ACTR3C: variants seen among roughly 807,000 people sequenced by gnomAD.
The protein encoded by ACTR3C is actin-related protein 3C.
ACTR3C carries 18 observed loss-of-function variants against 26.3 expected under a neutral mutation model. The observed-to-expected ratio is 0.68, with a 90% CI of 0.47 to 1.01. The LOEUF (loss-of-function observed/expected upper bound fraction) is 1.01, where lower values mean the gene tolerates loss of function less well. Ranked by LOEUF, ACTR3C falls within the 50% of genes least tolerant of loss-of-function variation. ACTR3C has a pLI of 0.00. For synonymous variants in ACTR3C, 55 were observed against 94.5 expected, an observed-to-expected ratio of 0.58 and a Z score of 2.42; for missense variants, 184 against 250.7, an observed-to-expected ratio of 0.73 and a Z score of 1.80.
At chr7:150,113,064 C>A in the ACTR3C span, among the ~76,000 whole-genome samples, 18 of 152,028 alleles carry the variant, frequency 1.2e-4, no homozygotes, top group Non-Finnish European at 2.4e-4. Flanking sequence ...ATCAATGGTA[C>A]CAAGGGGAAA....
At chr7:150,318,053 G>A (rs1012906408) in intron 1 of ACTR3C, among the ~76,000 whole-genome samples, 12 of 152,156 alleles carry the variant, frequency 7.9e-5, no homozygotes, top group African/African-American at 1.2e-4. Flanking sequence ...GGATGATGTC[G>A]GGAAGTAGGG....
chr7:149,917,571 A>C, the ACTR3C span, among the ~76,000 whole-genome samples: 145,095 of 150,506 alleles, frequency 0.96, 70,170 homozygotes, highest in East Asian at 1. Context: ...AAGGTAATGA[A>C]CCTAAGGTCA....
At chr7:149,960,226 G>A in the ACTR3C span, among the ~76,000 whole-genome samples, 1 of 151,776 alleles carries the variant, frequency 6.6e-6, no homozygotes, top group African/African-American at 2.4e-5. Flanking sequence ...GCAATTCTCT[G>A]GGTCTGAAGT....
At chr7:150,160,853 T>C in the ACTR3C span, among the ~76,000 whole-genome samples, 1 of 149,546 alleles carries the variant, frequency 6.7e-6, no homozygotes, top group Non-Finnish European at 1.5e-5. Flanking sequence ...TAATGTATGA[T>C]TTATACATTA....
At chr7:150,104,263 A>C in the ACTR3C span, among the ~76,000 whole-genome samples, 1 of 151,666 alleles carries the variant, frequency 6.6e-6, no homozygotes. Flanking sequence ...GGAAGAAACT[A>C]TGAGATTGAA....
chr7:150,313,974 C>G (rs1416119934), intron 1 of ACTR3C, among the ~76,000 whole-genome samples: 1 of 152,170 alleles, frequency 6.6e-6, no homozygotes, highest in African/African-American at 2.4e-5. Context: ...ATGAACAACT[C>G]GAGGCAGAGG....
chr7:150,209,762 C>A, the ACTR3C span, among the ~76,000 whole-genome samples: 1 of 147,184 alleles, frequency 6.8e-6, no homozygotes, highest in African/African-American at 2.6e-5. Context: ...CACACACACA[C>A]AAAATTAGCT....
the ACTR3C span, among the ~76,000 whole-genome samples, chr7:149,894,288 G>A: frequency 3.3e-5 from 5 of 152,138 alleles, no homozygotes; most frequent in Non-Finnish European, 7.4e-5. Flanking sequence ...CTGAAACTGT[G>A]GAACTATTAG....
At chr7:150,125,263 T>TG in the ACTR3C span, among the ~76,000 whole-genome samples, 1 of 151,384 alleles carries the variant, frequency 6.6e-6, no homozygotes, top group African/African-American at 2.4e-5. Context: ...AGTATTTTTT[T>TG]TTTTTTTAGA....
chr7:149,992,206 C>G, the ACTR3C span, among the ~76,000 whole-genome samples: 1 of 152,262 alleles, frequency 6.6e-6, no homozygotes, highest in East Asian at 1.9e-4. Flanking sequence ...CGAAGGGTCC[C>G]TGAGAAAATA....
the ACTR3C span, among the ~76,000 whole-genome samples, chr7:150,149,113 A>ATG: frequency 9.8e-6 from 1 of 101,606 alleles, no homozygotes; most frequent in African/African-American, 4.1e-5. Flanking sequence ...ATATATATAT[A>ATG]TATATATATA....
At chr7:149,995,783 C>A in the ACTR3C span, among the ~76,000 whole-genome samples, 8 of 152,228 alleles carry the variant, frequency 5.3e-5, no homozygotes, top group Non-Finnish European at 1.0e-4. Context: ...ACAGGACCAA[C>A]CACAGCTCCG....
At chr7:150,060,065 G>A in the ACTR3C span, among the ~76,000 whole-genome samples, 2 of 152,160 alleles carry the variant, frequency 1.3e-5, no homozygotes, top group African/African-American at 4.8e-5. Flanking sequence ...ATATGGGAGA[G>A]GCAACATGAT....
the ACTR3C span, among the ~76,000 whole-genome samples, chr7:150,036,663 C>T: frequency 7.1e-6 from 1 of 140,588 alleles, no homozygotes; most frequent in Non-Finnish European, 1.6e-5. Context: ...TGCCTTCTGC[C>T]CTTAAGCTCC....
the ACTR3C span, among the ~76,000 whole-genome samples, chr7:149,900,418 G>A: frequency 1.0e-3 from 156 of 151,886 alleles, no homozygotes; most frequent in Middle Eastern, 0.01. Flanking sequence ...CTCATGACCC[G>A]CCTGCCTCTG....
chr7:150,038,377 T>G, the ACTR3C span, among the ~76,000 whole-genome samples: 2 of 143,028 alleles, frequency 1.4e-5, no homozygotes, highest in East Asian at 3.9e-4. Flanking sequence ...GGAAAAGGCT[T>G]TGTCAGGTCG....
intron 4 of ACTR3C, among the ~76,000 whole-genome samples, chr7:150,288,724 G>A (rs554545999): frequency 6.8e-6 from 1 of 146,612 alleles, no homozygotes; most frequent in East Asian, 2.0e-4. Flanking sequence ...TGAGATGGAA[G>A]GGACCACGTC....
the ACTR3C span, among the ~76,000 whole-genome samples, chr7:149,992,520 C>T: frequency 6.6e-6 from 1 of 152,328 alleles, no homozygotes; most frequent in South Asian, 2.1e-4. Context: ...TAGCCAAGAA[C>T]AATATGAGAA....
At chr7:150,270,915 T>C (rs1032745283) in intron 6 of ACTR3C, among the ~76,000 whole-genome samples, 16 of 152,112 alleles carry the variant, frequency 1.1e-4, no homozygotes, top group African/African-American at 3.9e-4. Context: ...TCAGGAACTC[T>C]TGCTGTTCTG....
Sources: allele counts gnomAD v4.1 joint callset (sites outside exome capture counted in the v4.1 genomes callset), GRCh38; gene constraint gnomAD v4.1.1; transcripts MANE v1.5; gene names NCBI Gene and HGNC (gene_info 2026-07-23, HGNC 2026-07-21).